USP2: variants seen among roughly 807,000 people sequenced by gnomAD.
USP2 encodes the protein ubiquitin specific peptidase 2, also known as ubiquitin carboxyl-terminal hydrolase 2.
USP2 carries 33 observed loss-of-function variants against 72.0 expected under a neutral mutation model. The ratio of observed to expected loss-of-function variants is 0.46; its 90% CI spans 0.35 to 0.61. The LOEUF is 0.61. Ranked by LOEUF, USP2 falls within the 20% of genes least tolerant of loss-of-function variation. The probability of loss-of-function intolerance (pLI) is 0.01; values close to 1 mark genes in which losing one functional copy is unlikely to be tolerated. For synonymous variants in USP2, 296 were observed against 312.5 expected (o/e 0.95, Z 0.56); for missense variants, 691 against 797.8 (o/e 0.87, Z 1.61).
intron 12 of USP2, 131 bp from the exon 13 acceptor site, chr11:119,357,053 C>T: frequency 7.3e-7 from 1 of 1,372,144 alleles, no homozygotes; most frequent in East Asian, 2.6e-5. Context: ...GCTTCGTGGC[C>T]TTAAACTTTG....
At chr11:119,363,298 G>A (rs926028434) in intron 2 of USP2, among the ~76,000 whole-genome samples, 3 of 152,236 alleles carry the variant, frequency 2.0e-5, no homozygotes, top group Non-Finnish European at 4.4e-5. Context: ...GCTGCCCGCT[G>A]CATAAATGGA....
At chr11:119,364,162 G>A (rs1950814267) in intron 2 of USP2, 7 of 1,204,376 alleles carry the variant, frequency 5.8e-6, no homozygotes, top group Admixed American at 4.4e-5. Context: ...CCTCCCCGGC[G>A]TGCGCCGCCA....
chr11:119,373,901 C>CAGAAACTCATGAGCAGAAA (rs1488656026), intron 1 of USP2, among the ~76,000 whole-genome samples: 3 of 152,216 alleles, frequency 2.0e-5, no homozygotes, highest in Non-Finnish European at 4.4e-5. Flanking sequence ...TGGGGGAATG[C>CAGAAACTCATGAGCAGAAA]CACTGACCCC....
intron 7 of USP2, 101 bp from the exon 8 acceptor site, chr11:119,358,353 G>A (rs997181192): frequency 2.7e-6 from 3 of 1,127,852 alleles, no homozygotes; most frequent in South Asian, 1.4e-5. Context: ...GTTTTGCTCT[G>A]TCCCCCAGGC....
At chr11:119,370,469 T>C (rs1349832220) in intron 2 of USP2, among the ~76,000 whole-genome samples, 1 of 152,082 alleles carries the variant, frequency 6.6e-6, no homozygotes, top group African/African-American at 2.4e-5. Flanking sequence ...GCACCACAAA[T>C]GAGTGCCTCA....
chr11:119,360,427 CTTTTT>C, intron 2 of USP2, 193 bp from the exon 3 acceptor site: 1 of 572,282 alleles, frequency 1.7e-6, no homozygotes, highest in South Asian at 1.7e-5. Flanking sequence ...CTTTTCTTTT[CTTTTT>C]TTTTTTTTTG....
Position 119,376,374 on chromosome 11 carries a change from A to G in USP2, c.-41-2853T>C, listed in dbSNP as rs1474099408. 8.1e-6 allele frequency: 8 copies of G among 985,500 alleles called. No homozygotes were observed. The South Asian group carries it at 3.8e-4, about 46-fold the overall frequency. 61.0% of individuals were successfully genotyped at this position (985,500 alleles called of 1,614,324 possible). On this transcript the variant is annotated intron_variant, in intron 1 of 12. Coordinates refer to ENST00000260187, the MANE Select transcript of USP2 (RefSeq NM_004205.5). ...GTTGCCACAGGAACAGCCTGAACTG[A>G]ATGGCCCTTTCATGGGGCAGTGGGA...
In USP2 at chr11:119,357,807, C is replaced by T. The variant is rs566621045; in HGVS notation, c.1451G>A (p.Arg484Gln). 50 of 1,613,960 alleles carry T rather than the reference C, an allele frequency of 3.1e-5. No homozygotes were observed. The highest frequency in any genetic ancestry group is 3.9e-5 in the Non-Finnish European group (46 of 1,180,026). ...PTCCRCRGRK[R>Q]CIKKFSIQRF... ...CTGGATGGAGAACTTCTTTATACAC[C>T]GTTTTCTGCCTCGGCAGCGACAGCA... Residue 484 changes from arginine to glutamine, a missense_variant, in exon 10 of 13, where the codon CGG (arginine) becomes CAG (glutamine). Transcript: ENST00000260187.
At chr11:119,375,627 A>G (rs1950990786) in intron 1 of USP2, among the ~76,000 whole-genome samples, 1 of 152,198 alleles carries the variant, frequency 6.6e-6, no homozygotes, top group Non-Finnish European at 1.5e-5. Context: ...AACTCCATCA[A>G]TAATGCAAAG....
At chr11:119,377,135 C>T (rs1052158815) in intron 1 of USP2, among the ~76,000 whole-genome samples, 3 of 152,224 alleles carry the variant, frequency 2.0e-5, no homozygotes, top group African/African-American at 7.2e-5. Flanking sequence ...AGTGCATTAA[C>T]TCACTGAATC....
At chr11:119,357,047 C>T in intron 12 of USP2, 125 bp from the exon 13 acceptor site, 2 of 1,365,554 alleles carry the variant, frequency 1.5e-6, no homozygotes, top group East Asian at 2.6e-5. Context: ...GCAGCGGCTT[C>T]GTGGCCTTAA....
intron 3 of USP2, among the ~76,000 whole-genome samples, chr11:119,359,952 G>A (rs1364963395): frequency 6.6e-6 from 1 of 152,238 alleles, no homozygotes; most frequent in Non-Finnish European, 1.5e-5. Context: ...AATGATCCAG[G>A]AGAGGAGCAG....
At chr11:119,377,603 C>T (rs1951017641) in intron 1 of USP2, among the ~76,000 whole-genome samples, 1 of 152,182 alleles carries the variant, frequency 6.6e-6, no homozygotes. Context: ...CAGCATCTAC[C>T]CCAGCTCGGG....
chr11:119,359,286 G>C lies in USP2; in HGVS notation c.1006C>G (p.Pro336Ala), dbSNP rs1950724791. The C allele has an allele frequency of 6.2e-7, 1 of 1,613,906 alleles. No homozygotes were observed. Among genetic ancestry groups the C allele is most frequent in the African/African-American group, 1.3e-5 (1 of 74,884 alleles). ...TGGATCTGGGTCTTGAACTCAGATG[G>C]GCTCACCACATCATTGGGGGATGAA... Reference protein sequence around the residue: ...WTSSPNDVVSPSEFKTQIQRY... With the variant: ...WTSSPNDVVSASEFKTQIQRY... The change falls in exon 5 of 13, where the codon CCA becomes GCA. Residue 336 changes from proline (P) to alanine (A), a missense_variant. By Grantham distance (27) the Pro-to-Ala change is conservative. Coordinates refer to ENST00000260187, the MANE Select transcript of USP2 (RefSeq NM_004205.5).
chr11:119,374,037 T>C (rs1591334217), intron 1 of USP2, among the ~76,000 whole-genome samples: 1 of 152,126 alleles, frequency 6.6e-6, no homozygotes, highest in East Asian at 1.9e-4. Flanking sequence ...GATCATTTGG[T>C]CAGATCCCCT....
At chr11:119,358,697 C>T in intron 7 of USP2, 76 bp downstream of exon 7, 1 of 1,544,522 alleles carries the variant, frequency 6.5e-7, no homozygotes, top group Non-Finnish European at 8.9e-7. Flanking sequence ...GAGAGTGATT[C>T]TTAGGGCTTT....
In USP2 at chr11:119,357,759, A is replaced by C; in HGVS notation, c.1499T>G (p.Leu500Arg). The C allele has an allele frequency of 6.2e-7, 1 of 1,613,876 alleles. No individual in the cohort carries two copies. The highest frequency in any genetic ancestry group is 8.5e-7 in the Non-Finnish European group (1 of 1,180,036). ...GCCCTGATGGATCTTAAGGATACGG[A>C]GCACCAAGATCTTTGGGAACCTCTG... ...SIQRFPKILV[L>R]HLKRFSESRI... Residue 500 changes from leucine to arginine, a missense_variant and splice_region_variant, in exon 10 of 13, where the codon CTC becomes CGC. By Grantham distance (102) the Leu-to-Arg change is moderately radical. Coordinates refer to ENST00000260187, the MANE Select transcript of USP2 (RefSeq NM_004205.5).
At position 119,356,821 on chromosome 11, in the gene USP2, C is replaced by T; in HGVS notation, c.*14G>A. On this transcript the variant is annotated 3_prime_UTR_variant, in exon 13 of 13. Coordinates refer to ENST00000260187, the MANE Select transcript of USP2 (RefSeq NM_004205.5). ...GCCACCACGGGGAAGGGAGAAGGGA[C>T]GTGGCTCCTGGCGCTACATTCGGGA... 2 of 1,554,640 alleles carry T rather than the reference C, an allele frequency of 1.3e-6. No individual in the cohort carries two copies. The highest frequency in any genetic ancestry group is 1.7e-6 in the Non-Finnish European group (2 of 1,149,178).
intron 2 of USP2, among the ~76,000 whole-genome samples, chr11:119,367,817 T>C (rs1303761563): frequency 1.3e-5 from 2 of 152,116 alleles, no homozygotes; most frequent in East Asian, 3.9e-4. Flanking sequence ...GTGTGCAGCT[T>C]TGGGCTCTGA....
Sources: allele counts gnomAD v4.1 joint callset (sites outside exome capture counted in the v4.1 genomes callset), GRCh38; gene constraint gnomAD v4.1.1; transcripts MANE v1.5; gene names NCBI Gene and HGNC (gene_info 2026-07-23, HGNC 2026-07-21).